The following KCNH7 variants were observed in gnomAD, a reference collection of about 807,000 sequenced individuals.
KCNH7 encodes the protein voltage-gated inwardly rectifying potassium channel KCNH7.
KCNH7 carries 49 observed loss-of-function variants against 120.8 expected under a neutral mutation model. That is an observed-to-expected ratio of 0.41 (90% CI 0.32 to 0.51). The LOEUF (loss-of-function observed/expected upper bound fraction) is 0.51. Among genes scored for constraint, KCNH7 ranks in the 20% least tolerant of loss-of-function variants. KCNH7 has a pLI of 0.38. For missense variants in KCNH7, 1,097 were observed against 1,446.6 expected, an observed-to-expected ratio of 0.76 and a Z score of 3.92; for synonymous variants, 547 against 516.1, an observed-to-expected ratio of 1.06 and a Z score of -0.81.
intron 2 of KCNH7, among the ~76,000 whole-genome samples, chr2:162,589,589 C>T (rs1359746496): frequency 1.3e-5 from 2 of 152,022 alleles, no homozygotes; most frequent in Non-Finnish European, 2.9e-5. Context: ...CAAGCATAAT[C>T]ATAGGATGCA....
chr2:162,731,066 A>G (rs1276288143), intron 2 of KCNH7, among the ~76,000 whole-genome samples: 1 of 151,814 alleles, frequency 6.6e-6, no homozygotes, highest in East Asian at 1.9e-4. Context: ...AAAATGTAAG[A>G]GAAACAGTTG....
chr2:162,460,471 C>T (rs547306397), intron 6 of KCNH7, among the ~76,000 whole-genome samples: 1 of 152,128 alleles, frequency 6.6e-6, no homozygotes, highest in Non-Finnish European at 1.5e-5. Flanking sequence ...ATTAGAATTC[C>T]GCTTAGTTCA....
At chr2:162,472,580 C>A (rs1689581804) in intron 6 of KCNH7, among the ~76,000 whole-genome samples, 1 of 152,148 alleles carries the variant, frequency 6.6e-6, no homozygotes, top group Non-Finnish European at 1.5e-5. Flanking sequence ...ATTAAAAAGT[C>A]AGGAAACGAC....
intron 6 of KCNH7, among the ~76,000 whole-genome samples, chr2:162,488,374 G>A (rs1164271241): frequency 1.3e-5 from 2 of 152,042 alleles, no homozygotes; most frequent in African/African-American, 2.4e-5. Flanking sequence ...TGTGATGTGA[G>A]AAGAGCAAAA....
chr2:162,484,976 T>C (rs1690047878), intron 6 of KCNH7, among the ~76,000 whole-genome samples: 2 of 152,306 alleles, frequency 1.3e-5, no homozygotes, highest in South Asian at 4.2e-4. Flanking sequence ...TAAAATAATT[T>C]ACCCAGCCTC....
chr2:162,672,910 CAA>C (rs1685407545), intron 2 of KCNH7, among the ~76,000 whole-genome samples: 1 of 151,754 alleles, frequency 6.6e-6, no homozygotes, highest in African/African-American at 2.4e-5. Flanking sequence ...GTTTAAATAA[CAA>C]GACAATAAAC....
intron 6 of KCNH7, among the ~76,000 whole-genome samples, chr2:162,470,760 T>G (rs895737589): frequency 2.0e-5 from 3 of 152,166 alleles, no homozygotes; most frequent in African/African-American, 7.2e-5. Context: ...AACGGCTCAT[T>G]GAGAACAGGC....
At chr2:162,724,263 A>G (rs934297877) in intron 2 of KCNH7, among the ~76,000 whole-genome samples, 1 of 152,240 alleles carries the variant, frequency 6.6e-6, no homozygotes, top group African/African-American at 2.4e-5. Context: ...TTAAAACCAC[A>G]GAAAGTGCCA....
At chr2:162,584,072 G>A (rs540865990) in intron 2 of KCNH7, among the ~76,000 whole-genome samples, 4 of 152,164 alleles carry the variant, frequency 2.6e-5, no homozygotes, top group Non-Finnish European at 5.9e-5. Flanking sequence ...GTCCATACAG[G>A]TCACACCTTG....
At chr2:162,576,906 CTTTA>C (rs1156772925) in intron 2 of KCNH7, among the ~76,000 whole-genome samples, 1 of 151,462 alleles carries the variant, frequency 6.6e-6, no homozygotes, top group Non-Finnish European at 1.5e-5. Context: ...TCTTTTTCTT[CTTTA>C]TTTATTTATT....
At chr2:162,470,066 T>C (rs1410807779) in intron 6 of KCNH7, among the ~76,000 whole-genome samples, 7 of 151,938 alleles carry the variant, frequency 4.6e-5, no homozygotes, top group Non-Finnish European at 7.4e-5. Context: ...ACAACCTCCA[T>C]CTCCCAGCCG....
intron 2 of KCNH7, among the ~76,000 whole-genome samples, chr2:162,780,938 T>G (rs1418600860): frequency 1.3e-5 from 2 of 152,126 alleles, no homozygotes; most frequent in African/African-American, 4.8e-5. Context: ...TAAATTGCCA[T>G]CATTGTTTAA....
chr2:162,661,903 T>C (rs1175020408), intron 2 of KCNH7, among the ~76,000 whole-genome samples: 3 of 152,190 alleles, frequency 2.0e-5, no homozygotes, highest in Admixed American at 1.3e-4. Flanking sequence ...TTTTATTTTT[T>C]GTTTTTTTAA....
chr2:162,589,949 T>G (rs1694153249), intron 2 of KCNH7, among the ~76,000 whole-genome samples: 1 of 152,060 alleles, frequency 6.6e-6, no homozygotes. Flanking sequence ...AACCGACATA[T>G]TGAGGAATGA....
intron 2 of KCNH7, among the ~76,000 whole-genome samples, chr2:162,632,859 A>C (rs1269845997): frequency 2.0e-5 from 3 of 151,910 alleles, no homozygotes; most frequent in Non-Finnish European, 4.4e-5. Context: ...TTCAAATATT[A>C]GATAAAAATA....
intron 5 of KCNH7, 32 bp from the exon 6 acceptor site, chr2:162,504,689 T>G (rs1011542699): frequency 7.6e-7 from 1 of 1,320,490 alleles, no homozygotes; most frequent in African/African-American, 1.5e-5. Flanking sequence ...GTAAGAGTAA[T>G]ATAAGAAGAT....
intron 2 of KCNH7, among the ~76,000 whole-genome samples, chr2:162,775,032 C>A (rs999165997): frequency 1.3e-5 from 2 of 151,944 alleles, no homozygotes; most frequent in African/African-American, 4.8e-5. Flanking sequence ...ATTTATGTGA[C>A]CCTTGAAATA....
At chr2:162,406,358 T>G (rs1687223383) in intron 9 of KCNH7, among the ~76,000 whole-genome samples, 1 of 151,934 alleles carries the variant, frequency 6.6e-6, no homozygotes, top group Non-Finnish European at 1.5e-5. Context: ...TAATGAATGG[T>G]TTTTGATTTA....
chr2:162,455,052 C>T (rs1688912148), intron 6 of KCNH7, among the ~76,000 whole-genome samples: 1 of 152,068 alleles, frequency 6.6e-6, no homozygotes, highest in Non-Finnish European at 1.5e-5. Flanking sequence ...TTTGCCTACT[C>T]AGTATGATAT....
Sources: gnomAD v4.1 joint callset for allele counts (sites outside exome capture counted in the v4.1 genomes callset) on GRCh38, gnomAD v4.1.1 for gene constraint, MANE v1.5 for transcripts, NCBI Gene and HGNC (gene_info 2026-07-23, HGNC 2026-07-21) for gene names.